The following ITSN1 variants were observed in gnomAD, a reference collection of about 807,000 sequenced individuals.
ITSN1 encodes the protein intersectin-1.
In ITSN1, 58 loss-of-function variants were observed where a neutral mutation model predicts 239.8. That is an observed-to-expected ratio of 0.24 (90% CI 0.20 to 0.30). The LOEUF is 0.30. Among genes scored for constraint, ITSN1 ranks in the 10% least tolerant of loss-of-function variants. ITSN1 has a pLI of 1.00. For synonymous variants in ITSN1, 780 were observed against 770.8 expected, an observed-to-expected ratio of 1.01 and a Z score of -0.20; for missense variants, 1,558 against 2,103.3, an observed-to-expected ratio of 0.74 and a Z score of 5.07.
Position 33,874,650 on chromosome 21 carries a change from C to CT in ITSN1, c.4174-701dup, listed in dbSNP as rs146318076. Among the ~76,000 whole-genome samples, 382 of 138,836 alleles carry CT rather than the reference C, an allele frequency of 2.8e-3. 18 individuals are homozygous for CT. The highest frequency in any genetic ancestry group is 0.012 in the East Asian group (54 of 4,644). 91.1% of individuals were successfully genotyped at this position (138,836 alleles called of 152,430 possible). A position where few individuals can be genotyped will look rare whatever the true frequency, so the allele number is the denominator to read the frequency against. On this transcript the variant is annotated intron_variant, in intron 33 of 39. Transcript: ENST00000381318. ...GAAACAGGGTGAATATTTTCTTTTTCTTTCTTTTTTTTTTTTTGAGACGGA... is the reference window on the plus strand; with the variant it reads ...GAAACAGGGTGAATATTTTCTTTTTCTTTTCTTTTTTTTTTTTTGAGACGGA...
intron 1 of ITSN1, among the ~76,000 whole-genome samples, chr21:33,701,031 G>C (rs897765386): frequency 3.3e-5 from 5 of 151,154 alleles, no homozygotes; most frequent in African/African-American, 1.2e-4. Flanking sequence ...CCAGGCTGAA[G>C]TGCAGTGGTG....
intron 1 of ITSN1, among the ~76,000 whole-genome samples, chr21:33,692,829 G>C (rs2146685564): frequency 6.6e-6 from 1 of 151,798 alleles, no homozygotes; most frequent in South Asian, 2.1e-4. Context: ...GGAGTGCAGT[G>C]GCACGATCTT....
chr21:33,819,349 C>T (rs1356392662), intron 24 of ITSN1, 26 bp downstream of exon 24: 2 of 1,547,470 alleles, frequency 1.3e-6, no homozygotes, highest in South Asian at 2.2e-5. Flanking sequence ...GTATTATGTT[C>T]TTCAGAAGGG....
intron 1 of ITSN1, among the ~76,000 whole-genome samples, chr21:33,690,775 GTATATATATATATACATATATATA>G (rs1448611419): frequency 4.6e-5 from 1 of 21,612 alleles, no homozygotes; most frequent in Non-Finnish European, 9.4e-5. Context: ...AAAAAAAAGT[GTATATATATATATACATATATATA>G]TATATATATA....
chr21:33,644,356 GA>G (rs2087728039), intron 1 of ITSN1, among the ~76,000 whole-genome samples: 1 of 152,148 alleles, frequency 6.6e-6, no homozygotes, highest in South Asian at 2.1e-4. Flanking sequence ...CTAATTTGAT[GA>G]TGGTGTTAAA....
At chr21:33,757,116 T>G (rs1162813812) in intron 8 of ITSN1, 1 of 152,226 alleles carries the variant, frequency 6.6e-6, no homozygotes, top group Non-Finnish European at 1.5e-5. Context: ...TTACATGGTT[T>G]GTTTGACACC....
At chr21:33,818,568 G>T (rs544394633) in intron 23 of ITSN1, 96 bp downstream of exon 23, 107 of 1,098,496 alleles carry the variant, frequency 9.7e-5, no homozygotes, top group Non-Finnish European at 9.9e-5. Flanking sequence ...GGAGTTGCGG[G>T]ATTAGTTTGT....
At chr21:33,837,703 T>A in intron 29 of ITSN1, 1 of 985,910 alleles carries the variant, frequency 1.0e-6, no homozygotes, top group South Asian at 4.7e-5. Flanking sequence ...AGCTATTACC[T>A]TGTACGATGC....
At chr21:33,783,619 AAAAC>A (rs577532050) in intron 16 of ITSN1, among the ~76,000 whole-genome samples, 5 of 152,292 alleles carry the variant, frequency 3.3e-5, no homozygotes, top group East Asian at 1.9e-4. Flanking sequence ...TAGAAACAAA[AAAAC>A]AAAAAAGAAT....
chr21:33,823,470 A>T lies in ITSN1; in HGVS notation c.3017-17A>T. On this transcript the variant is annotated splice_polypyrimidine_tract_variant and intron_variant, in intron 24 of 39. Coordinates refer to ENST00000381318, the MANE Select transcript of ITSN1 (RefSeq NM_003024.3). The stretch of plus-strand genomic sequence containing the variant: ...ACAATCAAGCTCTCTCCGTATCTCA[A>T]TATTTCTCCCCACCAGAATTTATTG... The T allele has an allele frequency of 6.2e-7, 1 of 1,609,396 alleles. No individual in the cohort carries two copies. The highest frequency in any genetic ancestry group is 8.5e-7 in the Non-Finnish European group (1 of 1,177,526).
chr21:33,822,103 G>T (rs765774702), intron 24 of ITSN1, among the ~76,000 whole-genome samples: 27 of 152,220 alleles, frequency 1.8e-4, no homozygotes, highest in Non-Finnish European at 3.7e-4. Flanking sequence ...TGTCTGCCAT[G>T]GGGCCCAGTG....
intron 29 of ITSN1, among the ~76,000 whole-genome samples, chr21:33,855,911 C>T (rs1173159624): frequency 6.6e-6 from 1 of 152,240 alleles, no homozygotes; most frequent in Admixed American, 6.5e-5. Context: ...CCAGGACCAT[C>T]AGAGCCTCAG....
intron 2 of ITSN1, among the ~76,000 whole-genome samples, chr21:33,720,736 A>G (rs1390823957): frequency 2.6e-5 from 4 of 152,188 alleles, no homozygotes; most frequent in African/African-American, 9.7e-5. Flanking sequence ...TAATATTTTA[A>G]TCACCCCCCA....
intron 31 of ITSN1, among the ~76,000 whole-genome samples, chr21:33,862,384 A>G (rs1980783891): frequency 6.6e-6 from 1 of 152,190 alleles, no homozygotes; most frequent in Non-Finnish European, 1.5e-5. Context: ...ATTCCATTTT[A>G]TCTTGTTTAA....
intron 10 of ITSN1, among the ~76,000 whole-genome samples, chr21:33,766,520 A>G (rs891195508): frequency 4.6e-5 from 7 of 152,200 alleles, no homozygotes; most frequent in African/African-American, 9.7e-5. Context: ...ATTTACATCC[A>G]TGCATGCATG....
rs186943699 is a variant in ITSN1, at chr21:33,853,359, C to T, written c.3662-3377C>T. 2.4e-3 allele frequency among the ~76,000 whole-genome samples: 359 copies of T among 152,318 alleles called. 3 individuals carry two copies. The Middle Eastern group carries it at 0.024, about 10-fold the overall frequency. On this transcript the variant is annotated intron_variant, in intron 29 of 39. Coordinates refer to ENST00000381318, the MANE Select transcript of ITSN1 (RefSeq NM_003024.3). ...GCAAAGTGTTTGGACCAGAGGCCAACGCTACCTGGAGCAGGAGGCCACGCA... is the reference window on the plus strand; with the variant it reads ...GCAAAGTGTTTGGACCAGAGGCCAATGCTACCTGGAGCAGGAGGCCACGCA...
intron 29 of ITSN1, among the ~76,000 whole-genome samples, chr21:33,842,201 G>T (rs2148433083): frequency 6.6e-6 from 1 of 152,100 alleles, no homozygotes; most frequent in African/African-American, 2.4e-5. Context: ...GGCCACTCTT[G>T]GGCACTTCTT....
chr21:33,781,744 A>G (rs775596573), intron 15 of ITSN1, among the ~76,000 whole-genome samples, 196 bp downstream of exon 15: 4 of 151,962 alleles, frequency 2.6e-5, no homozygotes, highest in Non-Finnish European at 4.4e-5. Context: ...ACAGCCAGCT[A>G]GTTTTTGTAT....
intron 14 of ITSN1, among the ~76,000 whole-genome samples, chr21:33,775,490 T>C (rs1398151828): frequency 6.6e-6 from 1 of 152,152 alleles, no homozygotes; most frequent in African/African-American, 2.4e-5. Flanking sequence ...GTCCTAGGGA[T>C]AGGAAATGTT....
Sources: gnomAD v4.1 joint callset for allele counts (sites outside exome capture counted in the v4.1 genomes callset) on GRCh38, gnomAD v4.1.1 for gene constraint, MANE v1.5 for transcripts, NCBI Gene and HGNC (gene_info 2026-07-23, HGNC 2026-07-21) for gene names.